Variants in NUDT3 observed in about 807,000 individuals in gnomAD.
NUDT3 encodes the protein diphosphoinositol polyphosphate phosphohydrolase 1.
Under a neutral mutation model 23.6 loss-of-function variants are expected in NUDT3, and 9 were observed. That is an observed-to-expected ratio of 0.38 (90% CI 0.23 to 0.66). The LOEUF is 0.66. NUDT3 is among the 30% of genes least tolerant of loss of function. The pLI, the probability that NUDT3 is intolerant of heterozygous loss-of-function variation, is 0.52. For synonymous variants in NUDT3, 86 were observed against 82.6 expected (o/e 1.04, Z -0.22); for missense variants, 172 against 218.5 (o/e 0.79, Z 1.34).
At chr6:34,318,821 C>A (rs1763898137) in intron 2 of NUDT3, among the ~76,000 whole-genome samples, 1 of 152,188 alleles carries the variant, frequency 6.6e-6, no homozygotes, top group South Asian at 2.1e-4. Flanking sequence ...CCATGGCCTC[C>A]CAAAGTGCTG....
At position 34,392,340 on chromosome 6, in the gene NUDT3, TG is replaced by T. The variant is rs1441861688; in HGVS notation, c.22del (p.Gln8ArgfsTer30). 1 of 1,605,124 alleles carries T rather than the reference TG, an allele frequency of 6.2e-7. No individual in the cohort carries two copies. The highest frequency in any genetic ancestry group is 2.3e-5 in the East Asian group (1 of 43,878). MMKLKSN[Q>X]TRTYDGDGYK... Reference sequence around the variant, plus strand: ...GCCGTCGCCGTCGTAGGTGCGGGTCTGGTTCGACTTGAGCTTCATCATCCTC... The same window carrying T: ...GCCGTCGCCGTCGTAGGTGCGGGTCTGTTCGACTTGAGCTTCATCATCCTC... On this transcript the variant is annotated frameshift_variant, in exon 1 of 5. Transcript: ENST00000607016. LOFTEE classifies it high-confidence loss of function.
At chr6:34,342,178 A>G (rs770516261) in intron 1 of NUDT3, among the ~76,000 whole-genome samples, 41 of 150,312 alleles carry the variant, frequency 2.7e-4, no homozygotes, top group Admixed American at 1.9e-3. Flanking sequence ...TCTGAAGGCC[A>G]TTATCTCTAC....
intron 2 of NUDT3, among the ~76,000 whole-genome samples, chr6:34,340,359 CA>C (rs1764269795): frequency 6.6e-6 from 1 of 152,216 alleles, no homozygotes; most frequent in Non-Finnish European, 1.5e-5. Context: ...ACATAATTCA[CA>C]AAGGACATTC....
intron 1 of NUDT3, among the ~76,000 whole-genome samples, chr6:34,342,336 T>C (rs932208514): frequency 1.4e-5 from 2 of 147,616 alleles, no homozygotes; most frequent in East Asian, 2.0e-4. Flanking sequence ...CTGATGAGCC[T>C]GTCAGCACTG....
intron 4 of NUDT3, among the ~76,000 whole-genome samples, chr6:34,290,278 G>A (rs1281783488): frequency 6.7e-6 from 1 of 150,350 alleles, no homozygotes; most frequent in Admixed American, 6.6e-5. Context: ...GATCTCACAG[G>A]CTGGATTGCA....
intron 1 of NUDT3, among the ~76,000 whole-genome samples, chr6:34,358,033 A>G (rs984007409): frequency 3.9e-5 from 6 of 152,136 alleles, no homozygotes; most frequent in Non-Finnish European, 7.4e-5. Flanking sequence ...AGTTGTTCCT[A>G]TATGCATTGA....
intron 1 of NUDT3, among the ~76,000 whole-genome samples, chr6:34,376,093 T>C (rs1453085701): frequency 6.6e-6 from 1 of 152,210 alleles, no homozygotes; most frequent in Admixed American, 6.5e-5. Context: ...TCTCCAACTA[T>C]CATCAGTTGA....
At chr6:34,357,228 G>A (rs1178918189) in intron 1 of NUDT3, among the ~76,000 whole-genome samples, 1 of 152,114 alleles carries the variant, frequency 6.6e-6, no homozygotes, top group Non-Finnish European at 1.5e-5. Context: ...AATTGGCCAC[G>A]AGCTGATAAC....
At chr6:34,363,804 G>A (rs539266699) in intron 1 of NUDT3, among the ~76,000 whole-genome samples, 35 of 148,722 alleles carry the variant, frequency 2.4e-4, no homozygotes, top group Middle Eastern at 3.4e-3. Context: ...AGATAGTCTC[G>A]CTCTGTCACC....
intron 2 of NUDT3, 102 bp downstream of exon 2, chr6:34,341,760 C>A: frequency 1.0e-6 from 1 of 978,712 alleles, no homozygotes; most frequent in Non-Finnish European, 1.5e-6. Flanking sequence ...TTTTCTGTGA[C>A]TGTATATTTA....
At chr6:34,290,013 T>G (rs1013131924) in intron 4 of NUDT3, among the ~76,000 whole-genome samples, 1 of 152,116 alleles carries the variant, frequency 6.6e-6, no homozygotes, top group African/African-American at 2.4e-5. Flanking sequence ...TCCAATCACA[T>G]AAATGGCTCC....
chr6:34,327,499 C>G (rs1764057575), intron 2 of NUDT3, among the ~76,000 whole-genome samples: 1 of 144,974 alleles, frequency 6.9e-6, no homozygotes, highest in African/African-American at 2.6e-5. Flanking sequence ...CACTGCACTC[C>G]AGCCTAGCAA....
intron 2 of NUDT3, among the ~76,000 whole-genome samples, chr6:34,334,457 T>C (rs1479625745): frequency 6.7e-6 from 1 of 150,346 alleles, no homozygotes; most frequent in Non-Finnish European, 1.5e-5. Context: ...CTGACCAACA[T>C]GGTGAAACCC....
Position 34,282,082 on chromosome 6 carries a change from G to A in NUDT3, c.*6671C>T, listed in dbSNP as rs1271663539. 1 of 152,066 alleles carries A rather than the reference G, an allele frequency of 6.6e-6. No individual in the cohort carries two copies. The highest frequency in any genetic ancestry group is 1.5e-5 in the Non-Finnish European group (1 of 68,060). The allele number at this position is 152,066 out of a possible 1,614,324, so 9.4% of individuals were successfully genotyped here. On this transcript the variant is annotated 3_prime_UTR_variant, in exon 5 of 5. Coordinates refer to ENST00000607016, the MANE Select transcript of NUDT3 (RefSeq NM_006703.4). The stretch of plus-strand genomic sequence containing the variant: ...TCCATAATCAGCCTCTACCTTCCCT[G>A]GCATAAGTCATATCTGTTATGCTGC...
At chr6:34,384,402 T>C (rs1765071688) in intron 1 of NUDT3, among the ~76,000 whole-genome samples, 1 of 152,196 alleles carries the variant, frequency 6.6e-6, no homozygotes, top group South Asian at 2.1e-4. Flanking sequence ...AGTAGTCATT[T>C]TTCTCCCTGG....
At chr6:34,339,935 C>T (rs569993195) in intron 2 of NUDT3, among the ~76,000 whole-genome samples, 3 of 152,248 alleles carry the variant, frequency 2.0e-5, no homozygotes, top group South Asian at 2.1e-4. Context: ...AAATCCTAGA[C>T]GGTGACGGCT....
chr6:34,348,760 C>T (rs566269815), intron 1 of NUDT3, among the ~76,000 whole-genome samples: 1 of 150,668 alleles, frequency 6.6e-6, no homozygotes, highest in African/African-American at 2.4e-5. Context: ...TGGGTGACAG[C>T]GCAAGACTCC....
intron 2 of NUDT3, among the ~76,000 whole-genome samples, chr6:34,326,465 T>C (rs1764031804): frequency 6.6e-6 from 1 of 152,050 alleles, no homozygotes; most frequent in Non-Finnish European, 1.5e-5. Context: ...TGTTTTTCAC[T>C]ATGAGCCTTT....
At chr6:34,356,367 T>C (rs1044782445) in intron 1 of NUDT3, among the ~76,000 whole-genome samples, 3 of 152,220 alleles carry the variant, frequency 2.0e-5, no homozygotes, top group Non-Finnish European at 2.9e-5. Flanking sequence ...AAACCAATAC[T>C]GATTCTTTCT....
Sources: allele counts gnomAD v4.1 joint callset (sites outside exome capture counted in the v4.1 genomes callset), GRCh38; gene constraint gnomAD v4.1.1; transcripts MANE v1.5; gene names NCBI Gene and HGNC (gene_info 2026-07-23, HGNC 2026-07-21).